ZNF627: variants seen among roughly 807,000 people sequenced by gnomAD.
ZNF627 encodes zinc finger protein 627.
Under a neutral mutation model 10.6 loss-of-function variants are expected in ZNF627, and 12 were observed. The observed-to-expected ratio is 1.13, with a 90% CI of 0.73 to 1.84. ZNF627 has a LOEUF of 1.84. Ranked by LOEUF, ZNF627 falls within the 40% of genes most tolerant of loss-of-function variation. The pLI is 0.00. For missense variants in ZNF627, 504 were observed against 568.4 expected (o/e 0.89, Z 1.15); for synonymous variants, 176 against 187.1 (o/e 0.94, Z 0.48).
intron 1 of ZNF627, among the ~76,000 whole-genome samples, chr19:11,602,127 G>T (rs1973596791): frequency 1.3e-5 from 2 of 151,988 alleles, no homozygotes; most frequent in Admixed American, 1.3e-4. Context: ...GCAGGATGCA[G>T]GGTGCAAAAT....
rs563307862 is a variant in ZNF627, at chr19:11,609,927, G to A, written c.4-4600G>A. ...GTTAAGGCGGTTGCTTAAAGTCTTC[G>A]TCCAGTGAGCGCAATAACTGGAGAT... is the stretch of plus-strand genomic sequence containing the variant. On this transcript the variant is annotated intron_variant, in intron 1 of 3. Transcript: ENST00000361113. 2.2e-4 allele frequency among the ~76,000 whole-genome samples: 34 copies of A among 151,974 alleles called. No homozygotes were observed. In the South Asian group the frequency reaches 3.9e-3, roughly 18 times the overall value.
chr19:11,612,418 C>CCTCAA, intron 1 of ZNF627, among the ~76,000 whole-genome samples: 1 of 144,182 alleles, frequency 6.9e-6, no homozygotes, highest in East Asian at 2.0e-4. Context: ...CCGTGCCCGG[C>CCTCAA]CTGCTTTTTT....
intron 1 of ZNF627, chr19:11,604,498 G>A (rs937365235): frequency 2.6e-5 from 4 of 152,234 alleles, no homozygotes; most frequent in Admixed American, 2.0e-4. Context: ...AGAAATCTGA[G>A]CCTGGTGTTT....
At chr19:11,611,606 T>C (rs997111796) in intron 1 of ZNF627, among the ~76,000 whole-genome samples, 1 of 152,166 alleles carries the variant, frequency 6.6e-6, no homozygotes, top group Non-Finnish European at 1.5e-5. Flanking sequence ...TAGAACAGAG[T>C]TAAAAGATCC....
intron 1 of ZNF627, among the ~76,000 whole-genome samples, chr19:11,599,992 T>A (rs1052965242): frequency 2.0e-5 from 3 of 152,314 alleles, no homozygotes; most frequent in Middle Eastern, 3.4e-3. Context: ...CTGCAAAAGA[T>A]TTGTTCACTT....
rs773751349 is a variant in ZNF627, at chr19:11,597,632, T to C, written c.3+2T>C. 5.2e-6 allele frequency: 7 copies of C among 1,335,230 alleles called. No individual in the cohort carries two copies. The Admixed American group carries it at 1.5e-4, about 29-fold the overall frequency. 82.7% of individuals were successfully genotyped at this position (1,335,230 alleles called of 1,614,324 possible). On this transcript the variant is annotated splice_donor_variant, in intron 1 of 3. Coordinates refer to ENST00000361113, the MANE Select transcript of ZNF627 (RefSeq NM_145295.4). LOFTEE classifies it high-confidence loss of function. ...GGGACACCTGGAAGCCGAGAAATGG[T>C]GCGTGTGAGGGGTCAGGCGTCCCCA...
intron 1 of ZNF627, among the ~76,000 whole-genome samples, chr19:11,601,921 G>C (rs1336418470): frequency 2.7e-5 from 4 of 147,150 alleles, no homozygotes; most frequent in African/African-American, 1.0e-4. Flanking sequence ...CAGGAGAATC[G>C]CTTGAACTCA....
In ZNF627 at chr19:11,604,847, A is replaced by G. The variant is rs1973646510; in HGVS notation, c.3+7217A>G. Among the ~76,000 whole-genome samples the G allele has an allele frequency of 3.3e-5, 5 of 152,110 alleles. 1 individual carries two copies. In the South Asian group the frequency reaches 1.0e-3, roughly 32 times the overall value. ...TTATTGGATTTATAGCCAATGTACA[A>G]GGTGAGGGAGAGAATGGAACTTGGT... On this transcript the variant is annotated intron_variant, in intron 1 of 3. Coordinates refer to ENST00000361113, the MANE Select transcript of ZNF627 (RefSeq NM_145295.4).
chr19:11,617,783 C>A lies in ZNF627; in HGVS notation c.1280C>A (p.Ala427Asp), dbSNP rs747239417. The A allele has an allele frequency of 1.2e-5, 20 of 1,612,982 alleles. No homozygotes were observed. Among genetic ancestry groups the A allele is most frequent in the Admixed American group, 6.7e-5 (4 of 59,792 alleles). Reference sequence around the variant, plus strand: ...TATGAATGTAAGCAATGTGGGAAAGCCTTCAGTCGATCCACTTACTTTCGA... The same window carrying A: ...TATGAATGTAAGCAATGTGGGAAAGACTTCAGTCGATCCACTTACTTTCGA... ...KPYECKQCGKAFSRSTYFRVH... is the reference protein window; with the variant it reads ...KPYECKQCGKDFSRSTYFRVH... The change falls in exon 4 of 4, where the codon GCC becomes GAC. Residue 427 changes from alanine (A) to aspartate (D), a missense_variant. By Grantham distance (126) the Ala-to-Asp change is moderately radical. Coordinates refer to ENST00000361113, the MANE Select transcript of ZNF627 (RefSeq NM_145295.4).
Position 11,614,943 on chromosome 19 carries a change from G to A in ZNF627, c.191+56G>A, listed in dbSNP as rs1020228668. 315 of 1,220,548 alleles carry A rather than the reference G, an allele frequency of 2.6e-4. 1 individual carries two copies. Among genetic ancestry groups the A allele is most frequent in the Non-Finnish European group, 3.3e-4 (292 of 890,184 alleles). 75.6% of individuals were successfully genotyped at this position (1,220,548 alleles called of 1,614,324 possible). ...TCCTTGAGAGCATTTCGTATTGTTA[G>A]GAATTTTTTTTTTTTTTTTTTTTAG... On this transcript the variant is annotated intron_variant, in intron 3 of 3. Coordinates refer to ENST00000361113, the MANE Select transcript of ZNF627 (RefSeq NM_145295.4).
In ZNF627 at chr19:11,597,509, C is replaced by A. The variant is rs961549518; in HGVS notation, c.-119C>A. ...TTTCTGGCGACCGTCCCCACCCGGG[C>A]TCGCGTCTCCGTTTCTCCGAGAGGC... On this transcript the variant is annotated 5_prime_UTR_variant, in exon 1 of 4. Coordinates refer to ENST00000361113, the MANE Select transcript of ZNF627 (RefSeq NM_145295.4). 4.5e-6 allele frequency: 5 copies of A among 1,113,104 alleles called. No homozygotes were observed. Among genetic ancestry groups the A allele is most frequent in the Admixed American group, 8.4e-5 (2 of 23,882 alleles). The allele number at this position is 1,113,104 out of a possible 1,614,324, so 69.0% of individuals were successfully genotyped here.
Position 11,618,280 on chromosome 19 carries a change from A to T in ZNF627, c.*391A>T. 5.9e-6 allele frequency: 1 copy of T among 168,620 alleles called. No homozygotes were observed. The highest frequency in any genetic ancestry group is 1.3e-5 in the Non-Finnish European group (1 of 79,786). The allele number at this position is 168,620 out of a possible 1,614,324, so 10.4% of individuals were successfully genotyped here. ...CTGTATGGACACTTGCTTCCATCCCATTTTCCTGCTTCTTTGGGTTGCCAA... is the reference window on the plus strand; with the variant it reads ...CTGTATGGACACTTGCTTCCATCCCTTTTTCCTGCTTCTTTGGGTTGCCAA... On this transcript the variant is annotated 3_prime_UTR_variant, in exon 4 of 4. Transcript: ENST00000361113.
chr19:11,614,662 G>A lies in ZNF627; in HGVS notation c.130+9G>A. ...GAACCTGGCTTCTGTAGGTAAGGGT[G>A]ACAATATTCCTTTCCTCAGTGAATT... On this transcript the variant is annotated intron_variant, in intron 2 of 3. Coordinates refer to ENST00000361113, the MANE Select transcript of ZNF627 (RefSeq NM_145295.4). 1 of 1,613,730 alleles carries A rather than the reference G, an allele frequency of 6.2e-7. No individual in the cohort carries two copies. The highest frequency in any genetic ancestry group is 8.5e-7 in the Non-Finnish European group (1 of 1,179,930).
intron 1 of ZNF627, among the ~76,000 whole-genome samples, chr19:11,606,793 A>G (rs1973683095): frequency 6.6e-6 from 1 of 152,016 alleles, no homozygotes. Flanking sequence ...CTGTGCACCC[A>G]CAGGACCAAC....
chr19:11,608,673 C>A (rs1277698571), intron 1 of ZNF627, among the ~76,000 whole-genome samples: 1 of 151,930 alleles, frequency 6.6e-6, no homozygotes, highest in South Asian at 2.1e-4. Flanking sequence ...GTTCTTTGCC[C>A]ATTTATTATT....
At chr19:11,602,766 G>T (rs541683393) in intron 1 of ZNF627, among the ~76,000 whole-genome samples, 1 of 152,300 alleles carries the variant, frequency 6.6e-6, no homozygotes, top group African/African-American at 2.4e-5. Flanking sequence ...AATGGTATAT[G>T]AAAAAAGACA....
At chr19:11,610,934 C>A (rs1415054404) in intron 1 of ZNF627, among the ~76,000 whole-genome samples, 1 of 151,960 alleles carries the variant, frequency 6.6e-6, no homozygotes, top group African/African-American at 2.4e-5. Flanking sequence ...CTCACTGCAA[C>A]CTCCACCTCC....
At chr19:11,610,671 ACTC>A (rs1203994116) in intron 1 of ZNF627, among the ~76,000 whole-genome samples, 1 of 151,702 alleles carries the variant, frequency 6.6e-6, no homozygotes, top group Admixed American at 6.6e-5. Flanking sequence ...TTGAATCTGT[ACTC>A]CTGGTTTGCA....
chr19:11,600,503 T>G (rs928574672), intron 1 of ZNF627, among the ~76,000 whole-genome samples: 2 of 147,218 alleles, frequency 1.4e-5, no homozygotes, highest in African/African-American at 2.7e-5. Context: ...AAGTATGTTG[T>G]TTTTTTTTGT....
Sources: allele counts gnomAD v4.1 joint callset (sites outside exome capture counted in the v4.1 genomes callset), GRCh38; gene constraint gnomAD v4.1.1; transcripts MANE v1.5; gene names NCBI Gene and HGNC (gene_info 2026-07-23, HGNC 2026-07-21).